The following TP63 variants were observed in gnomAD, a reference collection of about 807,000 sequenced individuals.
TP63 encodes the protein tumor protein p63, also known as tumor protein 63.
TP63 carries 17 observed loss-of-function variants against 82.8 expected under a neutral mutation model. The observed-to-expected ratio is 0.21, with a 90% confidence interval of 0.14 to 0.31. TP63 has a LOEUF of 0.31. Among genes scored for constraint, TP63 ranks in the 10% least tolerant of loss-of-function variants. The pLI is 1.00. For synonymous variants in TP63, 330 were observed against 321.7 expected (o/e 1.03, Z -0.28); for missense variants, 648 against 895.3 (o/e 0.72, Z 3.52).
chr3:189,718,077 A>G (rs1309535268), intron 1 of TP63, among the ~76,000 whole-genome samples: 1 of 152,184 alleles, frequency 6.6e-6, no homozygotes, highest in Non-Finnish European at 1.5e-5. Flanking sequence ...TACAGAGGGT[A>G]ACCTACAAGG....
intron 1 of TP63, among the ~76,000 whole-genome samples, chr3:189,710,706 C>CTAG (rs922673028): frequency 1.3e-5 from 2 of 152,034 alleles, no homozygotes; most frequent in African/African-American, 4.8e-5. Flanking sequence ...GAAGGTTGAG[C>CTAG]TAGAGGAGGG....
chr3:189,602,500 T>C, the TP63 span, among the ~76,000 whole-genome samples: 8 of 152,168 alleles, frequency 5.3e-5, no homozygotes, highest in Non-Finnish European at 5.9e-5. Context: ...CCCTTAGATC[T>C]TTTTTACAGG....
chr3:189,624,182 CAT>C, the TP63 span, among the ~76,000 whole-genome samples: 1 of 151,872 alleles, frequency 6.6e-6, no homozygotes, highest in East Asian at 1.9e-4. Flanking sequence ...TGCCATGTAC[CAT>C]ATTAACTGCT....
chr3:189,775,761 T>C (rs1174781695), intron 3 of TP63, among the ~76,000 whole-genome samples: 1 of 152,212 alleles, frequency 6.6e-6, no homozygotes, highest in African/African-American at 2.4e-5. Context: ...ATTACCTTAG[T>C]ATGTTTATTG....
chr3:189,795,916 A>G (rs1291385936), intron 3 of TP63, among the ~76,000 whole-genome samples: 1 of 152,084 alleles, frequency 6.6e-6, no homozygotes, highest in Non-Finnish European at 1.5e-5. Context: ...AGAGCCAGAT[A>G]TGGTGTCCTA....
intron 4 of TP63, among the ~76,000 whole-genome samples, chr3:189,852,342 G>A (rs997063714): frequency 6.6e-6 from 1 of 152,202 alleles, no homozygotes; most frequent in Admixed American, 6.5e-5. Flanking sequence ...CATTGGCTAA[G>A]CCAGGTTTCA....
rs1288895794 is a variant in TP63, at chr3:189,631,526, A to G, written c.11A>G (p.Glu4Gly). Residue 4 changes from glutamate (E) to glycine (G), a missense_variant, in exon 1 of 14, where the codon GAA (glutamate) becomes GGA (glycine). By Grantham distance (98) the Glu-to-Gly change is moderately conservative. Coordinates refer to ENST00000264731, the MANE Select transcript of TP63 (RefSeq NM_003722.5). MNF[E>G]TSRCATLQYC... ...AGACAGTTGAAGGAAATGAATTTTG[A>G]AACTTCACGGTGTGCCACCCTACAG... 1 of 1,612,700 alleles carries G rather than the reference A, an allele frequency of 6.2e-7. No homozygotes were observed. Among genetic ancestry groups the G allele is most frequent in the East Asian group, 2.2e-5 (1 of 44,862 alleles).
chr3:189,786,808 TTCTTTATTTA>T (rs1724640359), intron 3 of TP63, among the ~76,000 whole-genome samples: 1 of 152,038 alleles, frequency 6.6e-6, no homozygotes, highest in Admixed American at 6.6e-5. Context: ...ATCCTTGCAT[TTCTTTATTTA>T]TCTGAAAAAT....
intron 4 of TP63, among the ~76,000 whole-genome samples, chr3:189,838,996 G>A (rs550654212): frequency 1.5e-5 from 2 of 134,992 alleles, no homozygotes; most frequent in African/African-American, 2.8e-5. Flanking sequence ...AGCATTTGCA[G>A]GTTCACTTTT....
chr3:189,678,302 C>G (rs1451959296), intron 1 of TP63, among the ~76,000 whole-genome samples: 5 of 152,090 alleles, frequency 3.3e-5, no homozygotes, highest in Non-Finnish European at 7.4e-5. Flanking sequence ...TTTCATTCCT[C>G]TGCATATGGC....
intron 1 of TP63, among the ~76,000 whole-genome samples, chr3:189,639,814 G>A (rs184982536): frequency 4.7e-4 from 72 of 152,160 alleles, no homozygotes; most frequent in Admixed American, 2.6e-3. Flanking sequence ...GATTTATCAT[G>A]GGAATAAATA....
intron 3 of TP63, among the ~76,000 whole-genome samples, chr3:189,797,384 G>A (rs1725821844): frequency 1.3e-5 from 2 of 152,046 alleles, no homozygotes; most frequent in Admixed American, 6.6e-5. Flanking sequence ...ACTCTGTACA[G>A]GCATTTTCTT....
At chr3:189,810,169 T>C (rs1352137955) in intron 4 of TP63, among the ~76,000 whole-genome samples, 4 of 152,210 alleles carry the variant, frequency 2.6e-5, no homozygotes, top group South Asian at 2.1e-4. Context: ...TCCTTTACTT[T>C]TATAATTCTG....
intron 4 of TP63, among the ~76,000 whole-genome samples, chr3:189,852,557 C>A (rs956895971): frequency 6.6e-6 from 1 of 152,194 alleles, no homozygotes; most frequent in Admixed American, 6.5e-5. Context: ...CAAAGAGTTT[C>A]CCCCATCATT....
chr3:189,796,940 C>T (rs946506388), intron 3 of TP63, among the ~76,000 whole-genome samples: 7 of 151,986 alleles, frequency 4.6e-5, no homozygotes, highest in East Asian at 1.9e-4. Flanking sequence ...TGTATGGATT[C>T]GAGCTGAGAT....
At chr3:189,601,992 T>A in the TP63 span, among the ~76,000 whole-genome samples, 1 of 152,160 alleles carries the variant, frequency 6.6e-6, no homozygotes, top group Non-Finnish European at 1.5e-5. Context: ...AAATGATGCC[T>A]GATAGTAGTG....
chr3:189,696,229 G>A (rs1717368727), intron 1 of TP63, among the ~76,000 whole-genome samples: 1 of 152,020 alleles, frequency 6.6e-6, no homozygotes, highest in Non-Finnish European at 1.5e-5. Flanking sequence ...CCAAGTTCCA[G>A]ACAACCACTA....
chr3:189,604,887 C>T, the TP63 span, among the ~76,000 whole-genome samples: 81 of 152,200 alleles, frequency 5.3e-4, no homozygotes, highest in African/African-American at 1.8e-3. Context: ...GGTTTATTTA[C>T]CTAAGGACCA....
intron 1 of TP63, among the ~76,000 whole-genome samples, chr3:189,699,190 C>T (rs1040004010): frequency 6.6e-6 from 1 of 151,830 alleles, no homozygotes; most frequent in African/African-American, 2.4e-5. Flanking sequence ...TTAACACTCA[C>T]AGTAACCCTC....
Sources: gnomAD v4.1 joint callset for allele counts (sites outside exome capture counted in the v4.1 genomes callset) on GRCh38, gnomAD v4.1.1 for gene constraint, MANE v1.5 for transcripts, NCBI Gene and HGNC (gene_info 2026-07-23, HGNC 2026-07-21) for gene names.